The following POU6F2 variants were observed in gnomAD, a reference collection of about 807,000 sequenced individuals.
POU6F2 encodes the protein POU class 6 homeobox 2, also known as POU domain, class 6, transcription factor 2.
In POU6F2, 31 loss-of-function variants were observed where a neutral mutation model predicts 71.3. The observed-to-expected ratio is 0.43, with a 90% CI of 0.33 to 0.59. The LOEUF (loss-of-function observed/expected upper bound fraction) is 0.59, where lower values mean the gene tolerates loss of function less well. POU6F2 is among the 20% of genes least tolerant of loss of function. The pLI, the probability that POU6F2 is intolerant of heterozygous loss-of-function variation, is 0.04. For missense variants in POU6F2, 783 were observed against 856.8 expected (o/e 0.91, Z 1.07); for synonymous variants, 347 against 355.7 (o/e 0.98, Z 0.27).
intron 1 of POU6F2, among the ~76,000 whole-genome samples, chr7:39,037,268 A>G (rs1408973305): frequency 7.2e-5 from 11 of 151,910 alleles, no homozygotes; most frequent in African/African-American, 2.4e-4. Flanking sequence ...CCTTTCCCCA[A>G]CCTTCATTTA....
At chr7:39,292,646 G>A (rs1262648393) in intron 4 of POU6F2, among the ~76,000 whole-genome samples, 3 of 152,198 alleles carry the variant, frequency 2.0e-5, no homozygotes, top group Non-Finnish European at 4.4e-5. Flanking sequence ...GTCAGCAAGA[G>A]CAACTTTATG....
At chr7:39,461,124 A>G (rs1788938944) in intron 9 of POU6F2, among the ~76,000 whole-genome samples, 1 of 152,224 alleles carries the variant, frequency 6.6e-6, no homozygotes, top group Non-Finnish European at 1.5e-5. Flanking sequence ...GATGGCTATC[A>G]GGATTTTCCA....
chr7:39,314,793 TA>T (rs1229892331), intron 4 of POU6F2, among the ~76,000 whole-genome samples: 1 of 151,952 alleles, frequency 6.6e-6, no homozygotes, highest in Non-Finnish European at 1.5e-5. Context: ...AAGCGCTGAA[TA>T]AAAAAAGAAT....
At chr7:39,220,501 G>A (rs777520835) in intron 4 of POU6F2, among the ~76,000 whole-genome samples, 1 of 152,112 alleles carries the variant, frequency 6.6e-6, no homozygotes, top group Non-Finnish European at 1.5e-5. Flanking sequence ...TTATGCAACC[G>A]AAAACCCGAG....
At chr7:39,426,325 T>C (rs1437803683) in intron 6 of POU6F2, among the ~76,000 whole-genome samples, 1 of 152,238 alleles carries the variant, frequency 6.6e-6, no homozygotes, top group African/African-American at 2.4e-5. Flanking sequence ...CACCATGTTT[T>C]CTTCCAGCTG....
intron 2 of POU6F2, among the ~76,000 whole-genome samples, chr7:39,123,722 T>C (rs1197294420): frequency 6.6e-6 from 1 of 152,160 alleles, no homozygotes; most frequent in African/African-American, 2.4e-5. Flanking sequence ...CACTGCCTCA[T>C]AGCAATGACT....
chr7:39,204,566 CT>C (rs5883678), intron 3 of POU6F2, among the ~76,000 whole-genome samples: 55,670 of 149,772 alleles, frequency 0.37, 10,487 homozygotes, highest in South Asian at 0.49. Context: ...TGTGGAAACA[CT>C]TTTTTTTTTT....
intron 4 of POU6F2, among the ~76,000 whole-genome samples, chr7:39,298,331 C>G (rs908561860): frequency 1.3e-5 from 2 of 151,938 alleles, no homozygotes; most frequent in Admixed American, 1.3e-4. Context: ...AAATATCAAC[C>G]CCATCAAAAT....
At chr7:39,079,533 A>G (rs1019904688) in intron 1 of POU6F2, among the ~76,000 whole-genome samples, 1 of 152,106 alleles carries the variant, frequency 6.6e-6, no homozygotes, top group African/African-American at 2.4e-5. Context: ...GGGAACCAAG[A>G]TGGAAGAGAG....
chr7:39,035,017 A>T (rs971862660), intron 1 of POU6F2, among the ~76,000 whole-genome samples: 1 of 151,918 alleles, frequency 6.6e-6, no homozygotes, highest in African/African-American at 2.4e-5. Context: ...ATTGGAAGGT[A>T]GAGAGAAGGA....
At chr7:39,051,991 A>G (rs1180164659) in intron 1 of POU6F2, among the ~76,000 whole-genome samples, 1 of 152,120 alleles carries the variant, frequency 6.6e-6, no homozygotes, top group African/African-American at 2.4e-5. Context: ...TGAACACTGA[A>G]CTGGCTAGGC....
intron 4 of POU6F2, among the ~76,000 whole-genome samples, chr7:39,338,332 T>TCTAATAAA (rs1785826555): frequency 6.6e-6 from 1 of 152,122 alleles, no homozygotes; most frequent in African/African-American, 2.4e-5. Context: ...CTCTAAAAGG[T>TCTAATAAA]CTAATAAACG....
At chr7:39,129,159 T>G (rs1190860297) in intron 2 of POU6F2, among the ~76,000 whole-genome samples, 1 of 152,186 alleles carries the variant, frequency 6.6e-6, no homozygotes, top group Non-Finnish European at 1.5e-5. Context: ...AAAAATTGTC[T>G]TTTGAGTTGT....
chr7:38,984,612 G>C (rs1488416329), intron 1 of POU6F2, among the ~76,000 whole-genome samples: 1 of 152,116 alleles, frequency 6.6e-6, no homozygotes, highest in Non-Finnish European at 1.5e-5. Context: ...TCTAAGAAAA[G>C]GCCTCACAGT....
intron 4 of POU6F2, among the ~76,000 whole-genome samples, chr7:39,212,360 C>T (rs1794157434): frequency 6.6e-6 from 1 of 152,084 alleles, no homozygotes; most frequent in South Asian, 2.1e-4. Context: ...TCAGGAGATG[C>T]CAATGGTGAG....
chr7:39,194,306 G>T (rs984170917), intron 2 of POU6F2, among the ~76,000 whole-genome samples: 1 of 152,224 alleles, frequency 6.6e-6, no homozygotes, highest in African/African-American at 2.4e-5. Context: ...CATTTTAAAG[G>T]ATTGTCTTGA....
intron 5 of POU6F2, among the ~76,000 whole-genome samples, chr7:39,389,965 G>T (rs1225147587): frequency 1.3e-5 from 2 of 152,026 alleles, no homozygotes; most frequent in Non-Finnish European, 1.5e-5. Flanking sequence ...AGAGTTTTTT[G>T]TTTAATACAT....
intron 2 of POU6F2, among the ~76,000 whole-genome samples, chr7:39,122,800 C>T (rs929508019): frequency 3.3e-5 from 5 of 151,496 alleles, no homozygotes; most frequent in Non-Finnish European, 5.9e-5. Context: ...CTCTGCCTCC[C>T]AGGTTCAAGT....
rs574555211 is a variant in POU6F2, at chr7:39,244,701, A to G, written c.598+37081A>G. On this transcript the variant is annotated intron_variant, in intron 4 of 9. Coordinates refer to ENST00000518318, the MANE Select transcript of POU6F2 (RefSeq NM_001370959.1). ...GAAAAATCATAGCCTGTGGTCATCT[A>G]TCCCATGAAGGTCCACATTCTGAGC... 3.6e-4 allele frequency among the ~76,000 whole-genome samples: 55 copies of G among 152,252 alleles called. No homozygotes were observed. The South Asian group carries it at 6.4e-3, about 18-fold the overall frequency.
Sources: allele counts gnomAD v4.1 joint callset (sites outside exome capture counted in the v4.1 genomes callset), GRCh38; gene constraint gnomAD v4.1.1; transcripts MANE v1.5; gene names NCBI Gene and HGNC (gene_info 2026-07-23, HGNC 2026-07-21).